The following GPR158 variants were observed in gnomAD, a reference collection of about 807,000 sequenced individuals.
GPR158 encodes the protein metabotropic glycine receptor.
In GPR158, 30 loss-of-function variants were observed where a neutral mutation model predicts 78.2. The ratio of observed to expected loss-of-function variants is 0.38; its 90% CI spans 0.29 to 0.52. The LOEUF (loss-of-function observed/expected upper bound fraction) is 0.52, where lower values mean the gene tolerates loss of function less well. Among genes scored for constraint, GPR158 ranks in the 20% least tolerant of loss-of-function variants. The pLI, the probability that GPR158 is intolerant of heterozygous loss-of-function variation, is 0.83. For missense variants in GPR158, 1,463 were observed against 1,523.5 expected, an observed-to-expected ratio of 0.96 and a Z score of 0.66; for synonymous variants, 581 against 591.1, an observed-to-expected ratio of 0.98 and a Z score of 0.25.
chr10:25,491,907 C>A (rs1442573029), intron 5 of GPR158, among the ~76,000 whole-genome samples: 1 of 152,080 alleles, frequency 6.6e-6, no homozygotes, highest in Admixed American at 6.6e-5. Context: ...ATAGTTATTG[C>A]TATGAAGAAC....
At chr10:25,522,417 A>G (rs926043065) in intron 5 of GPR158, among the ~76,000 whole-genome samples, 1 of 152,208 alleles carries the variant, frequency 6.6e-6, no homozygotes, top group Non-Finnish European at 1.5e-5. Context: ...GAGATATTCC[A>G]GCAGAGTCAT....
intron 6 of GPR158, among the ~76,000 whole-genome samples, chr10:25,558,634 C>T (rs908932304): frequency 3.3e-5 from 5 of 152,146 alleles, no homozygotes; most frequent in East Asian, 1.9e-4. Context: ...ACCTGGCTGC[C>T]GCTTACTCTG....
At chr10:25,306,430 A>C (rs114237986) in intron 2 of GPR158, among the ~76,000 whole-genome samples, 2,700 of 152,340 alleles carry the variant, frequency 0.018, 62 homozygotes, top group African/African-American at 0.051. Flanking sequence ...CCAAAGAGAC[A>C]TGAGACCTCT....
chr10:25,389,067 C>T (rs1266201343), intron 2 of GPR158, among the ~76,000 whole-genome samples: 2 of 152,222 alleles, frequency 1.3e-5, no homozygotes, highest in Admixed American at 6.5e-5. Context: ...GCAGGCATCC[C>T]TTGGCACAAA....
At chr10:25,210,175 ATTC>A (rs1378748646) in intron 1 of GPR158, among the ~76,000 whole-genome samples, 1 of 152,210 alleles carries the variant, frequency 6.6e-6, no homozygotes, top group Non-Finnish European at 1.5e-5. Context: ...TGTGCAGTGT[ATTC>A]TTCTATTCAC....
intron 5 of GPR158, among the ~76,000 whole-genome samples, chr10:25,516,405 C>T (rs1221420957): frequency 1.6e-4 from 24 of 152,232 alleles, no homozygotes; most frequent in African/African-American, 3.4e-4. Context: ...TTGGCTTTTG[C>T]TGCCATTGCT....
At chr10:25,247,331 AT>A (rs1409273541) in intron 2 of GPR158, among the ~76,000 whole-genome samples, 4 of 137,878 alleles carry the variant, frequency 2.9e-5, no homozygotes, top group African/African-American at 1.1e-4. Flanking sequence ...TTTTTTTATT[AT>A]ACTTTAAGTT....
At chr10:25,515,372 TC>T (rs1219328303) in intron 5 of GPR158, among the ~76,000 whole-genome samples, 1 of 151,930 alleles carries the variant, frequency 6.6e-6, no homozygotes, top group Non-Finnish European at 1.5e-5. Flanking sequence ...GTTATCTATT[TC>T]TTTTTTTTTT....
chr10:25,295,938 C>G (rs1854505764), intron 2 of GPR158, among the ~76,000 whole-genome samples: 2 of 151,704 alleles, frequency 1.3e-5, no homozygotes, highest in African/African-American at 4.8e-5. Flanking sequence ...GAAGTAACGC[C>G]TTAGATCAGA....
chr10:25,535,750 A>G (rs748133423), intron 5 of GPR158, among the ~76,000 whole-genome samples: 1 of 152,204 alleles, frequency 6.6e-6, no homozygotes, highest in Non-Finnish European at 1.5e-5. Context: ...CTCTGCTTCG[A>G]CAAAGCTCAG....
intron 2 of GPR158, among the ~76,000 whole-genome samples, chr10:25,298,220 A>G (rs1244726227): frequency 6.6e-6 from 1 of 152,168 alleles, no homozygotes; most frequent in Non-Finnish European, 1.5e-5. Context: ...TCTCTGCTTG[A>G]ATTTTGCCAC....
At chr10:25,493,138 T>A (rs1005397112) in intron 5 of GPR158, among the ~76,000 whole-genome samples, 14 of 152,136 alleles carry the variant, frequency 9.2e-5, no homozygotes, top group African/African-American at 3.1e-4. Flanking sequence ...AAGAGAGTTT[T>A]GGGGGTGTGT....
intron 2 of GPR158, among the ~76,000 whole-genome samples, chr10:25,247,239 C>A (rs1853705589): frequency 6.6e-6 from 1 of 151,952 alleles, no homozygotes; most frequent in African/African-American, 2.4e-5. Flanking sequence ...CCTTCAAACC[C>A]TGAACTGAGT....
chr10:25,471,267 G>A (rs1201587349), intron 5 of GPR158, among the ~76,000 whole-genome samples: 3 of 152,082 alleles, frequency 2.0e-5, no homozygotes, highest in African/African-American at 4.8e-5. Context: ...CTTCATCCAT[G>A]CCCCTGTGAA....
At chr10:25,589,841 G>A (rs533292681) in intron 8 of GPR158, among the ~76,000 whole-genome samples, 68 of 152,218 alleles carry the variant, frequency 4.5e-4, no homozygotes, top group African/African-American at 1.6e-3. Flanking sequence ...ATTCATATTT[G>A]AAAATGAAAT....
chr10:25,585,548 CAGG>C (rs1265862229), intron 7 of GPR158, among the ~76,000 whole-genome samples: 1 of 152,230 alleles, frequency 6.6e-6, no homozygotes, highest in Non-Finnish European at 1.5e-5. Context: ...ATAATCATTT[CAGG>C]AGGCTTTGTG....
intron 4 of GPR158, among the ~76,000 whole-genome samples, chr10:25,421,316 T>C (rs1422936084): frequency 2.0e-5 from 3 of 152,206 alleles, no homozygotes; most frequent in Admixed American, 1.3e-4. Flanking sequence ...ATGATTTTTC[T>C]TTTGTACTTA....
intron 2 of GPR158, among the ~76,000 whole-genome samples, chr10:25,249,149 G>T (rs1294458523): frequency 5.3e-5 from 8 of 152,000 alleles, no homozygotes; most frequent in Non-Finnish European, 1.0e-4. Flanking sequence ...TGTGATTTTT[G>T]TACATTGATT....
At chr10:25,478,531 GAGA>G (rs1479396719) in intron 5 of GPR158, among the ~76,000 whole-genome samples, 3 of 150,554 alleles carry the variant, frequency 2.0e-5, no homozygotes, top group African/African-American at 7.4e-5. Context: ...TGTGTGTAGA[GAGA>G]AGAGAAAGAA....
Sources: gnomAD v4.1 joint callset for allele counts (sites outside exome capture counted in the v4.1 genomes callset) on GRCh38, gnomAD v4.1.1 for gene constraint, MANE v1.5 for transcripts, NCBI Gene and HGNC (gene_info 2026-07-23, HGNC 2026-07-21) for gene names.